GPR39: variants seen among roughly 807,000 people sequenced by gnomAD.
GPR39 encodes G protein-coupled receptor 39.
Under a neutral mutation model 18.4 loss-of-function variants are expected in GPR39, and 23 were observed. The observed-to-expected ratio is 1.25, with a 90% CI of 0.90 to 1.77. GPR39 has a LOEUF of 1.77. Among genes scored for constraint, GPR39 ranks in the 40% most tolerant of loss-of-function variants. The probability of loss-of-function intolerance (pLI) is 0.00; values close to 1 mark genes in which losing one functional copy is unlikely to be tolerated. For missense variants in GPR39, 647 were observed against 602.4 expected (o/e 1.07, Z -0.78); for synonymous variants, 280 against 257.9 (o/e 1.09, Z -0.82).
At chr2:132,598,171 G>A (rs534957181) in intron 1 of GPR39, among the ~76,000 whole-genome samples, 1 of 152,232 alleles carries the variant, frequency 6.6e-6, no homozygotes, top group Non-Finnish European at 1.5e-5. Flanking sequence ...TTCTGAGGCT[G>A]AGAATTGGCT....
At chr2:132,479,044 C>G (rs4471937) in intron 1 of GPR39, among the ~76,000 whole-genome samples, 65,944 of 152,106 alleles carry the variant, frequency 0.43, 17,935 homozygotes, top group Non-Finnish European at 0.61. Context: ...ACTTCTCCCC[C>G]TTCCCAGCAC....
intron 1 of GPR39, among the ~76,000 whole-genome samples, chr2:132,615,984 T>G (rs1431513819): frequency 6.6e-6 from 1 of 151,448 alleles, no homozygotes; most frequent in Non-Finnish European, 1.5e-5. Flanking sequence ...AAGTGATTCT[T>G]TAACACAGAT....
intron 1 of GPR39, among the ~76,000 whole-genome samples, chr2:132,641,176 A>C (rs2104879016): frequency 6.6e-6 from 1 of 152,358 alleles, no homozygotes; most frequent in South Asian, 2.1e-4. Context: ...GTTTAGAATG[A>C]GAAATGCAAA....
At chr2:132,620,152 A>G (rs1681414603) in intron 1 of GPR39, among the ~76,000 whole-genome samples, 1 of 152,200 alleles carries the variant, frequency 6.6e-6, no homozygotes, top group Non-Finnish European at 1.5e-5. Flanking sequence ...GGTGAGGCCC[A>G]GAGGTCTGTG....
At chr2:132,447,239 GTTAAT>G (rs1331551071) in intron 1 of GPR39, among the ~76,000 whole-genome samples, 1 of 152,076 alleles carries the variant, frequency 6.6e-6, no homozygotes, top group Non-Finnish European at 1.5e-5. Flanking sequence ...TTCATATATA[GTTAAT>G]TTAAAGACAA....
intron 1 of GPR39, among the ~76,000 whole-genome samples, chr2:132,450,516 A>G (rs935409758): frequency 6.6e-6 from 1 of 152,252 alleles, no homozygotes; most frequent in Non-Finnish European, 1.5e-5. Context: ...GTAAAAGTTC[A>G]TCAGGAAAGC....
chr2:132,638,771 G>C (rs532328276), intron 1 of GPR39, among the ~76,000 whole-genome samples: 1 of 152,250 alleles, frequency 6.6e-6, no homozygotes, highest in African/African-American at 2.4e-5. Context: ...CTTTCCACTG[G>C]CAATTGCTAT....
At chr2:132,596,875 G>A (rs115239385) in intron 1 of GPR39, among the ~76,000 whole-genome samples, 60 of 152,332 alleles carry the variant, frequency 3.9e-4, no homozygotes, top group Middle Eastern at 3.4e-3. Context: ...ATCCCAGGTT[G>A]AGAACCATTG....
chr2:132,422,689 A>C (rs1356122682), intron 1 of GPR39, among the ~76,000 whole-genome samples: 4 of 152,056 alleles, frequency 2.6e-5, no homozygotes, highest in Non-Finnish European at 5.9e-5. Flanking sequence ...TTTTGCCTCA[A>C]ATATTTTATG....
chr2:132,501,284 A>C (rs550763935), intron 1 of GPR39, among the ~76,000 whole-genome samples: 1 of 151,552 alleles, frequency 6.6e-6, no homozygotes, highest in East Asian at 1.9e-4. Context: ...TGTCATTATT[A>C]TTGTTCAGTT....
intron 1 of GPR39, among the ~76,000 whole-genome samples, chr2:132,442,440 T>C (rs1239083936): frequency 6.6e-6 from 1 of 152,072 alleles, no homozygotes; most frequent in East Asian, 1.9e-4. Context: ...ACACAGATGC[T>C]CTAAATGTCC....
At chr2:132,591,207 C>T (rs1251122317) in intron 1 of GPR39, among the ~76,000 whole-genome samples, 7 of 134,232 alleles carry the variant, frequency 5.2e-5, no homozygotes, top group African/African-American at 1.1e-4. Context: ...GCCGAGATTG[C>T]GCCACTGCAG....
intron 1 of GPR39, among the ~76,000 whole-genome samples, chr2:132,481,576 T>A (rs1427630341): frequency 1.3e-5 from 2 of 152,246 alleles, no homozygotes; most frequent in African/African-American, 4.8e-5. Context: ...CTGATATTTG[T>A]GAGCAAATGA....
intron 1 of GPR39, among the ~76,000 whole-genome samples, chr2:132,544,956 G>T (rs561066808): frequency 1.3e-5 from 2 of 152,208 alleles, no homozygotes; most frequent in Non-Finnish European, 2.9e-5. Context: ...ACCAATTAGG[G>T]AATGGTAGAT....
rs1225856305 is a variant in GPR39, at chr2:132,498,498, A to AT, written c.856+80607dup. Among the ~76,000 whole-genome samples, 5 of 151,996 alleles carry AT rather than the reference A, an allele frequency of 3.3e-5. No homozygotes were observed. The East Asian group carries it at 7.7e-4, about 23-fold the overall frequency. The stretch of plus-strand genomic sequence containing the variant: ...ATTGATGGGCATTTGGGCTGGTTCC[A>AT]TTTTTTTGCAATTGTGAATTGTGCT... On this transcript the variant is annotated intron_variant, in intron 1 of 1. Transcript: ENST00000329321.
chr2:132,565,478 C>T (rs934532606), intron 1 of GPR39, among the ~76,000 whole-genome samples: 8 of 150,248 alleles, frequency 5.3e-5, no homozygotes, highest in African/African-American at 2.0e-4. Context: ...TATACATGTG[C>T]CATGCTGGTG....
chr2:132,492,213 T>C (rs1681480607), intron 1 of GPR39, among the ~76,000 whole-genome samples: 1 of 144,986 alleles, frequency 6.9e-6, no homozygotes, highest in African/African-American at 2.5e-5. Context: ...ATACCATATA[T>C]ATACATACCA....
At chr2:132,513,502 G>A (rs1573640099) in intron 1 of GPR39, among the ~76,000 whole-genome samples, 1 of 151,836 alleles carries the variant, frequency 6.6e-6, no homozygotes, top group East Asian at 1.9e-4. Flanking sequence ...TAGATATCTG[G>A]AGTAGCAGGT....
intron 1 of GPR39, among the ~76,000 whole-genome samples, chr2:132,494,723 C>A (rs528121514): frequency 6.6e-6 from 1 of 152,226 alleles, no homozygotes; most frequent in African/African-American, 2.4e-5. Flanking sequence ...ATTCATTCAA[C>A]ACACCACTAA....
Sources: gnomAD v4.1 joint callset for allele counts (sites outside exome capture counted in the v4.1 genomes callset) on GRCh38, gnomAD v4.1.1 for gene constraint, MANE v1.5 for transcripts, NCBI Gene and HGNC (gene_info 2026-07-23, HGNC 2026-07-21) for gene names.